Variants in DCAF1 observed in about 807,000 individuals in gnomAD.
DCAF1 encodes DDB1 and CUL4 associated factor 1, also known as DDB1- and CUL4-associated factor 1.
A neutral mutation model predicts 128.0 loss-of-function variants in DCAF1; 15 were observed. The observed-to-expected ratio is 0.12, with a 90% CI of 0.08 to 0.18. The LOEUF (loss-of-function observed/expected upper bound fraction) is 0.18, where lower values mean the gene tolerates loss of function less well. Ranked by LOEUF, DCAF1 falls within the 10% of genes least tolerant of loss-of-function variation. The pLI, the probability that DCAF1 is intolerant of heterozygous loss-of-function variation, is 1.00. For missense variants in DCAF1, 988 were observed against 1,649.5 expected (o/e 0.60, Z 6.95); for synonymous variants, 610 against 603.0 (o/e 1.01, Z -0.17).
intron 2 of DCAF1, 51 bp from the exon 3 acceptor site, chr3:51,483,887 G>A: frequency 7.8e-7 from 1 of 1,274,656 alleles, no homozygotes. Context: ...ATGAACACAA[G>A]CAAATAAAAG....
At chr3:51,419,073 T>C (rs1405623487) in intron 15 of DCAF1, among the ~76,000 whole-genome samples, 197 bp from the exon 16 acceptor site, 4 of 152,082 alleles carry the variant, frequency 2.6e-5, no homozygotes, top group Non-Finnish European at 5.9e-5. Flanking sequence ...AAAATTCCCA[T>C]GTTTAGGCCA....
At chr3:51,503,977 C>G (rs1553664846), upstream of DCAF1, among the ~76,000 whole-genome samples, 1 of 151,572 alleles carries the variant, frequency 6.6e-6, no homozygotes, top group South Asian at 2.1e-4. Flanking sequence ...AGAGTGGAGT[C>G]AACATTGGGG....
intron 3 of DCAF1, among the ~76,000 whole-genome samples, chr3:51,477,904 TTA>T (rs150883808): frequency 2.0e-5 from 3 of 151,370 alleles, no homozygotes; most frequent in African/African-American, 2.4e-5. Flanking sequence ...CCAGTAGCTT[TTA>T]TATATATATA....
At chr3:51,482,536 A>T (rs782460323) in intron 3 of DCAF1, among the ~76,000 whole-genome samples, 3 of 151,752 alleles carry the variant, frequency 2.0e-5, no homozygotes, top group Non-Finnish European at 4.4e-5. Context: ...AGGCCAAGGC[A>T]GGTGAATCAC....
intron 16 of DCAF1, among the ~76,000 whole-genome samples, 162 bp from the exon 17 acceptor site, chr3:51,418,360 T>C (rs1483019247): frequency 2.0e-5 from 3 of 152,212 alleles, no homozygotes; most frequent in African/African-American, 7.2e-5. Context: ...GCCACTAGGA[T>C]TTGAATACAT....
intron 2 of DCAF1, among the ~76,000 whole-genome samples, chr3:51,486,281 C>T (rs1166902053): frequency 6.6e-6 from 1 of 151,448 alleles, no homozygotes; most frequent in Admixed American, 6.6e-5. Flanking sequence ...CAGCCTCAAC[C>T]ACCTGGGCTC....
At chr3:51,453,421 A>AGT (rs1702553487) in intron 6 of DCAF1, among the ~76,000 whole-genome samples, 1 of 151,596 alleles carries the variant, frequency 6.6e-6, no homozygotes, top group South Asian at 2.1e-4. Flanking sequence ...TGAGCCCAAG[A>AGT]GTGTGAGACC....
rs59908556 is a variant in DCAF1, at chr3:51,446,963, AAATAATAAT to A, written c.376-3069_376-3061del. 5.2e-3 allele frequency among the ~76,000 whole-genome samples: 707 copies of A among 136,966 alleles called. 3 individuals carry two copies. The highest frequency in any genetic ancestry group is 7.5e-3 in the Non-Finnish European group (487 of 64,524). 89.9% of individuals were successfully genotyped at this position (136,966 alleles called of 152,430 possible). A position where few individuals can be genotyped will look rare whatever the true frequency, so the allele number is the denominator to read the frequency against. Reference sequence around the variant, plus strand: ...CAACAAGAACAAAACTTTGTCTCAAAAATAATAATAATAATAATAATAATAATAATAATA... The same window carrying A: ...CAACAAGAACAAAACTTTGTCTCAAAAATAATAATAATAATAATAATAATA... On this transcript the variant is annotated intron_variant, in intron 6 of 24. Transcript: ENST00000684031.
At position 51,398,469 on chromosome 3, in the gene DCAF1, C is replaced by A; in HGVS notation, c.*300G>T. The A allele has an allele frequency of 3.1e-6, 1 of 320,540 alleles. No homozygotes were observed. The highest frequency in any genetic ancestry group is 5.7e-6 in the Non-Finnish European group (1 of 174,268). The allele number at this position is 320,540 out of a possible 1,614,324, so 19.9% of individuals were successfully genotyped here. ...TACAAAGAAAATATATTGTGAAATA[C>A]CCCAGAGACATGGTTTTTTTTTCCC... is the stretch of plus-strand genomic sequence containing the variant. On this transcript the variant is annotated 3_prime_UTR_variant, in exon 25 of 25. Coordinates refer to ENST00000684031, the MANE Select transcript of DCAF1 (RefSeq NM_001387579.1).
intron 17 of DCAF1, among the ~76,000 whole-genome samples, chr3:51,417,425 GAAAGA>G (rs1250194410): frequency 2.6e-5 from 4 of 151,984 alleles, no homozygotes; most frequent in African/African-American, 7.2e-5. Context: ...TCTAAAGAAG[GAAAGA>G]AAAGAAAAGG....
At chr3:51,422,246 A>G (rs1553632707) in intron 14 of DCAF1, 61 bp downstream of exon 14, 1 of 721,830 alleles carries the variant, frequency 1.4e-6, no homozygotes, top group Non-Finnish European at 2.6e-6. Context: ...CCAAGACCAG[A>G]GTGGCAAAGA....
chr3:51,502,636 TAAG>T (rs1345515307), upstream of DCAF1, among the ~76,000 whole-genome samples: 1 of 151,698 alleles, frequency 6.6e-6, no homozygotes, highest in Non-Finnish European at 1.5e-5. Context: ...CAAGAAGCAT[TAAG>T]AAGGGGCTTT....
intron 2 of DCAF1, among the ~76,000 whole-genome samples, chr3:51,488,460 G>C (rs543513126): frequency 3.2e-4 from 48 of 152,074 alleles, no homozygotes; most frequent in African/African-American, 1.2e-3. Context: ...GGTGGATCAT[G>C]AGGTCAGGAG....
intron 2 of DCAF1, among the ~76,000 whole-genome samples, chr3:51,494,163 G>A (rs1189835010): frequency 2.8e-5 from 4 of 143,852 alleles, no homozygotes; most frequent in Non-Finnish European, 6.0e-5. Context: ...CCCAGAGACT[G>A]GAGTGCAGTG....
chr3:51,431,795 T>C (rs1457653587), intron 10 of DCAF1, among the ~76,000 whole-genome samples: 1 of 144,442 alleles, frequency 6.9e-6, no homozygotes, highest in African/African-American at 2.6e-5. Flanking sequence ...CTACAAAAAG[T>C]ACAAAAAAAA....
Position 51,446,963 on chromosome 3 carries a change from AAAT to A in DCAF1, c.376-3063_376-3061del, listed in dbSNP as rs59908556. On this transcript the variant is annotated intron_variant, in intron 6 of 24. Transcript: ENST00000684031. ...CAACAAGAACAAAACTTTGTCTCAAAAATAATAATAATAATAATAATAATAATA... is the reference window on the plus strand; with the variant it reads ...CAACAAGAACAAAACTTTGTCTCAAAAATAATAATAATAATAATAATAATA... 3.0e-3 allele frequency among the ~76,000 whole-genome samples: 415 copies of A among 136,966 alleles called. 1 individual carries two copies. Among genetic ancestry groups the A allele is most frequent in the African/African-American group, 8.7e-3 (321 of 37,010 alleles). The allele number at this position is 136,966 out of a possible 152,430, so 89.9% of individuals were successfully genotyped here. A position where few individuals can be genotyped will look rare whatever the true frequency, so the allele number is the denominator to read the frequency against.
intron 9 of DCAF1, among the ~76,000 whole-genome samples, chr3:51,438,571 TA>T (rs1281803446): frequency 6.6e-6 from 1 of 152,236 alleles, no homozygotes; most frequent in Non-Finnish European, 1.5e-5. Context: ...AGCACAAAAA[TA>T]AAAAGTTATT....
In DCAF1 at chr3:51,419,926, T is replaced by C; in HGVS notation, c.3044A>G (p.Gln1015Arg). The part of the protein sequence containing the change: ...DSIITEYLRE[Q>R]HARCKNPVAT... ...AACTGGATTCTTGCAGCGAGCATGT[T>C]GTTCTCTAAGATACTCTGTGATTAT... Residue 1015 changes from glutamine (Q) to arginine (R), a missense_variant, in exon 15 of 25, where the codon CAA (glutamine) becomes CGA (arginine). Physicochemically the swap from Gln to Arg is conservative, Grantham distance 43. Around this residue, in one of 11 missense-constraint regions of DCAF1, gnomAD observed 105 missense variants for 266.7 expected, o/e 0.39. Coordinates refer to ENST00000684031, the MANE Select transcript of DCAF1 (RefSeq NM_001387579.1). The C allele has an allele frequency of 6.2e-7, 1 of 1,614,070 alleles. No individual in the cohort carries two copies. The highest frequency in any genetic ancestry group is 8.5e-7 in the Non-Finnish European group (1 of 1,179,894).
chr3:51,474,189 C>A (rs939338691), intron 3 of DCAF1, among the ~76,000 whole-genome samples: 15 of 152,038 alleles, frequency 9.9e-5, no homozygotes, highest in Non-Finnish European at 2.9e-5. Context: ...GAGGCTGAGG[C>A]GGGCGGATCA....
Sources: allele counts gnomAD v4.1 joint callset (sites outside exome capture counted in the v4.1 genomes callset), GRCh38; gene constraint gnomAD v4.1.1; regional missense constraint gnomAD v4.1.1; transcripts MANE v1.5; gene names NCBI Gene and HGNC (gene_info 2026-07-23, HGNC 2026-07-21).